The following AXDND1 variants were observed in gnomAD, a reference collection of about 807,000 sequenced individuals.
AXDND1 encodes axonemal dynein light chain domain-containing protein 1.
AXDND1 carries 110 observed loss-of-function variants against 137.5 expected under a neutral mutation model. That is an observed-to-expected ratio of 0.80 (90% confidence interval 0.69 to 0.94). The LOEUF (loss-of-function observed/expected upper bound fraction) is 0.94. AXDND1 is among the 40% of genes least tolerant of loss of function. The pLI is 0.00. For missense variants in AXDND1, 1,191 were observed against 1,169.8 expected (o/e 1.02, Z -0.26); for synonymous variants, 414 against 399.7 (o/e 1.04, Z -0.43).
chr1:179,513,638 T>A lies in AXDND1; in HGVS notation c.2496+4235T>A, dbSNP rs1669254696. 2.0e-5 allele frequency among the ~76,000 whole-genome samples: 3 copies of A among 152,142 alleles called. No homozygotes were observed. The South Asian group carries it at 6.2e-4, about 32-fold the overall frequency. ...TCTTGTGGAATAGTGTCAAAAGGATTGGTATCAATTCTTTGAATGTCTGGT... is the reference window on the plus strand; with the variant it reads ...TCTTGTGGAATAGTGTCAAAAGGATAGGTATCAATTCTTTGAATGTCTGGT... On this transcript the variant is annotated intron_variant, in intron 21 of 25. Coordinates refer to ENST00000367618, the MANE Select transcript of AXDND1 (RefSeq NM_144696.6).
At chr1:179,409,462 A>T (rs1322159978) in intron 11 of AXDND1, among the ~76,000 whole-genome samples, 1 of 152,116 alleles carries the variant, frequency 6.6e-6, no homozygotes, top group Non-Finnish European at 1.5e-5. Flanking sequence ...TCACTTGCCA[A>T]ATTAGCTAGA....
intron 18 of AXDND1, among the ~76,000 whole-genome samples, chr1:179,491,303 C>A (rs199589730): frequency 1.3e-5 from 2 of 151,904 alleles, no homozygotes; most frequent in Non-Finnish European, 2.9e-5. Flanking sequence ...CAGAGTGACA[C>A]CCCGTTTCAA....
Position 179,534,836 on chromosome 1 carries a change from A to G in AXDND1, c.2905A>G (p.Thr969Ala). ...TAAAGATCTAGAGGAATTAGTCATG[A>G]CATCAAGAAAGGAGTCTAAAGAAGA... ...KNKDLEELVM[T>A]SRKESKEEKE... Residue 969 changes from threonine to alanine, a missense_variant, in exon 25 of 26, where the codon ACA becomes GCA. Physicochemically the swap from Thr to Ala is moderately conservative, Grantham distance 58. Coordinates refer to ENST00000367618, the MANE Select transcript of AXDND1 (RefSeq NM_144696.6). 2 of 1,610,810 alleles carry G rather than the reference A, an allele frequency of 1.2e-6. No homozygotes were observed. Among genetic ancestry groups the G allele is most frequent in the South Asian group, 2.2e-5 (2 of 89,712 alleles).
chr1:179,551,557 C>T, intron 25 of AXDND1: 11 of 1,312,532 alleles, frequency 8.4e-6, no homozygotes, highest in Non-Finnish European at 1.1e-5. Flanking sequence ...TACTATGTGG[C>T]AAGCACGGTT....
chr1:179,512,696 C>T (rs1216880703), intron 21 of AXDND1, among the ~76,000 whole-genome samples: 6 of 152,108 alleles, frequency 3.9e-5, no homozygotes, highest in African/African-American at 1.4e-4. Context: ...CATCCGTGAG[C>T]TTGGGGTGTG....
intron 9 of AXDND1, among the ~76,000 whole-genome samples, chr1:179,390,176 A>G (rs913259806): frequency 1.3e-5 from 2 of 152,048 alleles, no homozygotes; most frequent in East Asian, 1.9e-4. Context: ...ACTATGCCAC[A>G]CTAATTTTTG....
chr1:179,466,540 C>T (rs1239864319), intron 16 of AXDND1, among the ~76,000 whole-genome samples: 1 of 151,940 alleles, frequency 6.6e-6, no homozygotes, highest in Non-Finnish European at 1.5e-5. Context: ...TTTTTCAGTC[C>T]TAGAATTTAT....
intron 16 of AXDND1, chr1:179,452,810 G>A (rs1571894833): frequency 6.6e-6 from 1 of 151,616 alleles, no homozygotes. Flanking sequence ...AATCCCCCGA[G>A]ACCATGGGGA....
chr1:179,456,049 A>G (rs2125418146), intron 16 of AXDND1: 1 of 441,920 alleles, frequency 2.3e-6, no homozygotes, highest in Admixed American at 2.6e-5. Flanking sequence ...TTAGTCACAA[A>G]TAACAGTCCT....
At chr1:179,398,252 A>AG (rs1174409298) in intron 11 of AXDND1, among the ~76,000 whole-genome samples, 1 of 152,070 alleles carries the variant, frequency 6.6e-6, no homozygotes, top group East Asian at 1.9e-4. Context: ...GGAAGATTCT[A>AG]GGGGGCCAAC....
chr1:179,438,892 T>G (rs1285575970), intron 15 of AXDND1, among the ~76,000 whole-genome samples: 1 of 152,150 alleles, frequency 6.6e-6, no homozygotes, highest in Non-Finnish European at 1.5e-5. Flanking sequence ...GAGTGCTGCC[T>G]TCTATATCGT....
At chr1:179,548,138 CG>C (rs1326895245) in intron 25 of AXDND1, among the ~76,000 whole-genome samples, 2 of 152,156 alleles carry the variant, frequency 1.3e-5, no homozygotes, top group Non-Finnish European at 2.9e-5. Flanking sequence ...TACTGGCCAT[CG>C]GGGCTGCCTT....
rs1662273151 is a variant in AXDND1 at position 179,461,249 on chromosome 1, A to T, written c.1799-7194A>T. Among the ~76,000 whole-genome samples, 3 of 152,308 alleles carry T rather than the reference A, an allele frequency of 2.0e-5. No individual in the cohort carries two copies. The South Asian group carries it at 6.2e-4, about 32-fold the overall frequency. On this transcript the variant is annotated intron_variant, in intron 16 of 25. Transcript: ENST00000367618. ...TGTATAAGGTGTAAGGAAGGGATCC[A>T]GTTTCAGGTTTCTACATATGGCTAG...
chr1:179,452,916 C>T (rs1660753829), intron 16 of AXDND1: 1 of 151,888 alleles, frequency 6.6e-6, no homozygotes, highest in Non-Finnish European at 1.5e-5. Flanking sequence ...TGGGCTGGGT[C>T]CAGGGTCCCC....
At chr1:179,460,197 C>T (rs1172957331) in intron 16 of AXDND1, among the ~76,000 whole-genome samples, 1 of 151,980 alleles carries the variant, frequency 6.6e-6, no homozygotes, top group African/African-American at 2.4e-5. Context: ...CCCACCTCCC[C>T]CCACCCCACG....
chr1:179,400,612 A>AAAAAAG (rs751080999), intron 11 of AXDND1, among the ~76,000 whole-genome samples: 1 of 151,190 alleles, frequency 6.6e-6, no homozygotes, highest in African/African-American at 2.4e-5. Context: ...AAAAAAAAAA[A>AAAAAAG]AGAGAAGATG....
intron 16 of AXDND1, chr1:179,448,588 G>A (rs778837368): frequency 6.8e-6 from 2 of 294,096 alleles, no homozygotes; most frequent in Non-Finnish European, 1.3e-5. Flanking sequence ...GATTGTGTGT[G>A]TCTCCTGGGC....
chr1:179,552,318 G>C, intron 25 of AXDND1: 1 of 492,694 alleles, frequency 2.0e-6, no homozygotes, highest in South Asian at 2.1e-5. Context: ...CACTAGAGAA[G>C]AGGGATTGAT....
intron 9 of AXDND1, among the ~76,000 whole-genome samples, chr1:179,393,133 T>A (rs992626807): frequency 3.5e-4 from 54 of 152,234 alleles, no homozygotes; most frequent in Non-Finnish European, 1.0e-4. Context: ...CATCTTGAGT[T>A]GACTTTTGTA....
Sources: allele counts gnomAD v4.1 joint callset (sites outside exome capture counted in the v4.1 genomes callset), GRCh38; gene constraint gnomAD v4.1.1; transcripts MANE v1.5; gene names NCBI Gene and HGNC (gene_info 2026-07-23, HGNC 2026-07-21).